Variants in WDR82 observed in about 807,000 individuals in gnomAD.
WDR82 encodes the protein WD repeat-containing protein 82.
Under a neutral mutation model 36.1 loss-of-function variants are expected in WDR82, and 8 were observed. That is an observed-to-expected ratio of 0.22 (90% CI 0.13 to 0.40). The LOEUF is 0.40. WDR82 is among the 10% of genes least tolerant of loss of function. The pLI is 1.00. For missense variants in WDR82, 185 were observed against 400.5 expected (o/e 0.46, Z 4.59); for synonymous variants, 129 against 137.8 (o/e 0.94, Z 0.45).
chr3:52,270,237 A>G (rs1171581139), intron 2 of WDR82, among the ~76,000 whole-genome samples: 2 of 152,174 alleles, frequency 1.3e-5, no homozygotes, highest in Admixed American at 6.5e-5. Context: ...CTCCTGCCTC[A>G]GCCTCCTGTG....
intron 2 of WDR82, 47 bp downstream of exon 2, chr3:52,270,665 T>A: frequency 6.9e-7 from 1 of 1,452,496 alleles, no homozygotes; most frequent in Non-Finnish European, 9.5e-7. Flanking sequence ...CATGAACTAT[T>A]TAACAAAGGA....
chr3:52,267,522 C>A (rs1198224701), intron 2 of WDR82: 1 of 154,606 alleles, frequency 6.5e-6, no homozygotes, highest in Non-Finnish European at 1.4e-5. Flanking sequence ...TATGTTGACC[C>A]ACCCTCAACT....
intron 1 of WDR82, among the ~76,000 whole-genome samples, chr3:52,273,212 C>T (rs1454438075): frequency 6.6e-6 from 1 of 152,152 alleles, no homozygotes; most frequent in African/African-American, 2.4e-5. Flanking sequence ...GGTGGATCAC[C>T]TGAGGTCAGG....
chr3:52,259,656 T>C lies in WDR82; in HGVS notation c.699+61A>G, dbSNP rs374595020. On this transcript the variant is annotated intron_variant, in intron 6 of 8. Coordinates refer to ENST00000296490, the MANE Select transcript of WDR82 (RefSeq NM_025222.4). ...GTTGGTCTCCACCAACCAGCTAACA[T>C]AATTCTTAGCATAGGAAGTATGAGC... is the stretch of plus-strand genomic sequence containing the variant. 40 of 1,551,160 alleles carry C rather than the reference T, an allele frequency of 2.6e-5. 1 individual carries two copies. In the East Asian group the frequency reaches 5.0e-4, roughly 19 times the overall value.
intron 1 of WDR82, among the ~76,000 whole-genome samples, chr3:52,272,571 T>C (rs1432406673): frequency 7.0e-6 from 1 of 142,452 alleles, no homozygotes; most frequent in Non-Finnish European, 1.5e-5. Flanking sequence ...AAATAAAAAT[T>C]TGAGACTTAA....
intron 4 of WDR82, among the ~76,000 whole-genome samples, chr3:52,261,057 G>A (rs1428839526): frequency 2.0e-5 from 3 of 152,110 alleles, no homozygotes; most frequent in African/African-American, 7.2e-5. Flanking sequence ...CCCTGGAGGT[G>A]GAGGTTGCGG....
chr3:52,275,812 A>G (rs1260173766), intron 1 of WDR82, among the ~76,000 whole-genome samples: 2 of 152,144 alleles, frequency 1.3e-5, no homozygotes, highest in Non-Finnish European at 2.9e-5. Context: ...TGAACCCAGG[A>G]GCCGGAGGTT....
chr3:52,272,686 A>G (rs1700165215), intron 1 of WDR82, among the ~76,000 whole-genome samples: 1 of 152,244 alleles, frequency 6.6e-6, no homozygotes, highest in Admixed American at 6.5e-5. Context: ...AGTTCTTTAG[A>G]AAGATTTCAT....
intron 1 of WDR82, among the ~76,000 whole-genome samples, chr3:52,275,659 G>A (rs1393382878): frequency 6.6e-6 from 1 of 152,214 alleles, no homozygotes; most frequent in East Asian, 1.9e-4. Context: ...GCTGAGGCGG[G>A]TAGATCACGA....
chr3:52,273,685 A>G (rs1191258643), intron 1 of WDR82, among the ~76,000 whole-genome samples: 3 of 152,104 alleles, frequency 2.0e-5, no homozygotes, highest in East Asian at 3.9e-4. Flanking sequence ...CAGAGGCACG[A>G]TCTCGGCTCA....
At chr3:52,257,877 G>C (rs770714215) in intron 8 of WDR82, among the ~76,000 whole-genome samples, 5 of 151,872 alleles carry the variant, frequency 3.3e-5, no homozygotes, top group Non-Finnish European at 7.4e-5. Flanking sequence ...CCACCTTCCT[G>C]GGCTGTAAAA....
At chr3:52,269,553 AC>A (rs1700135345) in intron 2 of WDR82, among the ~76,000 whole-genome samples, 1 of 151,690 alleles carries the variant, frequency 6.6e-6, no homozygotes, top group African/African-American at 2.4e-5. Flanking sequence ...ACATGGTGAA[AC>A]CCTGTCTCTA....
intron 1 of WDR82, among the ~76,000 whole-genome samples, chr3:52,272,364 C>G (rs1027549894): frequency 6.6e-6 from 1 of 151,486 alleles, no homozygotes; most frequent in Non-Finnish European, 1.5e-5. Context: ...GCCAACATGG[C>G]GAAACGCTAT....
intron 1 of WDR82, 59 bp downstream of exon 1, chr3:52,278,142 G>C (rs960105657): frequency 2.0e-6 from 3 of 1,491,408 alleles, no homozygotes; most frequent in African/African-American, 1.4e-5. Flanking sequence ...CGAGGGACCT[G>C]TGCTGGGCCA....
At chr3:52,273,317 G>A (rs1408748275) in intron 1 of WDR82, among the ~76,000 whole-genome samples, 1 of 151,900 alleles carries the variant, frequency 6.6e-6, no homozygotes, top group African/African-American at 2.4e-5. Flanking sequence ...TGTAATCCCA[G>A]TTACTTGGGA....
intron 2 of WDR82, among the ~76,000 whole-genome samples, chr3:52,269,655 G>A (rs550127741): frequency 2.6e-5 from 4 of 151,932 alleles, no homozygotes; most frequent in Non-Finnish European, 5.9e-5. Flanking sequence ...ACTTGAACCC[G>A]GGAGGCGGAG....
At chr3:52,273,456 A>T (rs1456982191) in intron 1 of WDR82, among the ~76,000 whole-genome samples, 1 of 145,138 alleles carries the variant, frequency 6.9e-6, no homozygotes, top group Non-Finnish European at 1.5e-5. Context: ...ACAGAACATG[A>T]AGAGCCAACT....
chr3:52,263,989 C>T (rs1053417202), intron 3 of WDR82, among the ~76,000 whole-genome samples: 3 of 152,000 alleles, frequency 2.0e-5, no homozygotes, highest in African/African-American at 7.3e-5. Context: ...CATGGTGAAA[C>T]CCTGTCTCTA....
At chr3:52,263,990 C>T (rs557782060) in intron 3 of WDR82, among the ~76,000 whole-genome samples, 2 of 152,084 alleles carry the variant, frequency 1.3e-5, no homozygotes, top group South Asian at 4.2e-4. Context: ...ATGGTGAAAC[C>T]CTGTCTCTAT....
Sources: allele counts gnomAD v4.1 joint callset (sites outside exome capture counted in the v4.1 genomes callset), GRCh38; gene constraint gnomAD v4.1.1; transcripts MANE v1.5; gene names NCBI Gene and HGNC (gene_info 2026-07-23, HGNC 2026-07-21).